PDE1C: variants seen among roughly 807,000 people sequenced by gnomAD.
PDE1C encodes phosphodiesterase 1C, also known as dual specificity calcium/calmodulin-dependent 3',5'-cyclic nucleotide phosphodiesterase 1C.
PDE1C carries 62 observed loss-of-function variants against 93.1 expected under a neutral mutation model. The ratio of observed to expected loss-of-function variants is 0.67; its 90% CI spans 0.54 to 0.82. The LOEUF is 0.82. PDE1C is among the 40% of genes least tolerant of loss of function. The probability of loss-of-function intolerance (pLI) is 0.00; values close to 1 mark genes in which losing one functional copy is unlikely to be tolerated. For synonymous variants in PDE1C, 325 were observed against 310.1 expected, an observed-to-expected ratio of 1.05 and a Z score of -0.50; for missense variants, 742 against 884.6, an observed-to-expected ratio of 0.84 and a Z score of 2.04.
chr7:32,247,956 T>C (rs1809088327), intron 1 of PDE1C, among the ~76,000 whole-genome samples: 2 of 152,094 alleles, frequency 1.3e-5, no homozygotes, highest in African/African-American at 2.4e-5. Flanking sequence ...CAGGGAGGCA[T>C]AGCAATAATG....
chr7:32,074,524 C>T (rs1350380611), upstream of PDE1C, among the ~76,000 whole-genome samples: 1 of 152,172 alleles, frequency 6.6e-6, no homozygotes, highest in Non-Finnish European at 1.5e-5. Flanking sequence ...AGGTTCCAAA[C>T]CCAGACCAAA....
At chr7:31,891,315 G>A (rs1798608820) in intron 2 of PDE1C, among the ~76,000 whole-genome samples, 1 of 152,176 alleles carries the variant, frequency 6.6e-6, no homozygotes, top group African/African-American at 2.4e-5. Flanking sequence ...AAGAGGAAGA[G>A]GTGGTGGTTT....
At chr7:32,101,627 C>T (rs963698317) in intron 3 of PDE1C, among the ~76,000 whole-genome samples, 1 of 152,198 alleles carries the variant, frequency 6.6e-6, no homozygotes, top group African/African-American at 2.4e-5. Context: ...TTGCCTTACA[C>T]AATGATTGGA....
upstream of PDE1C, among the ~76,000 whole-genome samples, chr7:32,299,865 G>A (rs1339195916): frequency 6.6e-6 from 1 of 152,234 alleles, no homozygotes; most frequent in Non-Finnish European, 1.5e-5. Context: ...GACCAGAGCT[G>A]AGTCACACAG....
chr7:31,749,428 T>A (rs958013927), downstream of PDE1C, among the ~76,000 whole-genome samples: 4 of 152,118 alleles, frequency 2.6e-5, no homozygotes, highest in African/African-American at 7.2e-5. Context: ...CTGCTATGGG[T>A]TTTTTGTGCT....
chr7:31,655,961 C>T, the PDE1C span: 3 of 985,296 alleles, frequency 3.0e-6, no homozygotes, highest in Admixed American at 1.8e-4. Flanking sequence ...GATGAATCTC[C>T]AATTCTATTC....
intron 1 of PDE1C, among the ~76,000 whole-genome samples, chr7:32,416,027 G>A (rs1275140230): frequency 1.3e-5 from 2 of 152,138 alleles, no homozygotes; most frequent in African/African-American, 4.8e-5. Context: ...GAGGGGCAAC[G>A]GTGCCCTCCC....
intron 3 of PDE1C, among the ~76,000 whole-genome samples, chr7:32,145,347 T>C (rs1800776800): frequency 6.6e-6 from 1 of 152,176 alleles, no homozygotes. Flanking sequence ...GTAATGATGC[T>C]TCAGGTTTAG....
the PDE1C span, among the ~76,000 whole-genome samples, chr7:31,728,424 C>T: frequency 2.6e-5 from 4 of 152,270 alleles, no homozygotes; most frequent in South Asian, 2.1e-4. Flanking sequence ...GAGTCATTCC[C>T]GGCCAACCAA....
chr7:31,912,823 T>C (rs1010669320), intron 2 of PDE1C, among the ~76,000 whole-genome samples: 20 of 152,258 alleles, frequency 1.3e-4, no homozygotes, highest in African/African-American at 4.8e-4. Flanking sequence ...CTAGAAATTA[T>C]TTGGAAAATA....
intron 1 of PDE1C, among the ~76,000 whole-genome samples, chr7:32,401,794 C>T (rs2128095659): frequency 6.6e-6 from 1 of 152,274 alleles, no homozygotes; most frequent in African/African-American, 2.4e-5. Context: ...TCCTTCCCAC[C>T]TTGAAGGGGG....
the PDE1C span, among the ~76,000 whole-genome samples, chr7:31,726,658 A>G: frequency 6.6e-6 from 1 of 152,208 alleles, no homozygotes; most frequent in South Asian, 2.1e-4. Flanking sequence ...AGTATCCCTC[A>G]TCTTGGCCAA....
chr7:32,252,272 G>A (rs115338929), intron 1 of PDE1C, among the ~76,000 whole-genome samples: 90 of 152,274 alleles, frequency 5.9e-4, no homozygotes, highest in African/African-American at 1.9e-3. Flanking sequence ...GCCCAGCACT[G>A]CACAAGATCC....
At chr7:31,767,472 C>T (rs1051892781) in intron 17 of PDE1C, among the ~76,000 whole-genome samples, 1 of 152,192 alleles carries the variant, frequency 6.6e-6, no homozygotes, top group African/African-American at 2.4e-5. Context: ...TGCTGGCTCC[C>T]CCTTCACCTT....
At chr7:32,203,911 C>T (rs1189911305) in intron 2 of PDE1C, among the ~76,000 whole-genome samples, 1 of 152,144 alleles carries the variant, frequency 6.6e-6, no homozygotes, top group Admixed American at 6.5e-5. Flanking sequence ...ATCTCAGCAA[C>T]CTTGGCATAC....
intron 1 of PDE1C, among the ~76,000 whole-genome samples, chr7:32,386,511 A>G (rs548349709): frequency 1.1e-4 from 10 of 88,564 alleles, no homozygotes; most frequent in Non-Finnish European, 1.6e-4. Context: ...TGATTCCCCT[A>G]TTGTTGGACA....
At chr7:32,235,345 T>C (rs1807999534) in intron 1 of PDE1C, among the ~76,000 whole-genome samples, 1 of 151,608 alleles carries the variant, frequency 6.6e-6, no homozygotes, top group Non-Finnish European at 1.5e-5. Context: ...TCAAGCATAT[T>C]AGAAAGAAAA....
the PDE1C span, among the ~76,000 whole-genome samples, chr7:31,638,664 T>G: frequency 6.6e-6 from 1 of 152,228 alleles, no homozygotes; most frequent in Non-Finnish European, 1.5e-5. Flanking sequence ...CAATGAGAAA[T>G]CTGCCATCCT....
chr7:32,308,346 G>T (rs1813071300), intron 1 of PDE1C, among the ~76,000 whole-genome samples: 1 of 152,256 alleles, frequency 6.6e-6, no homozygotes, highest in Admixed American at 6.5e-5. Context: ...AACCTCTGCA[G>T]ACTTAAATGT....
Sources: allele counts gnomAD v4.1 joint callset (sites outside exome capture counted in the v4.1 genomes callset), GRCh38; gene constraint gnomAD v4.1.1; transcripts MANE v1.5; gene names NCBI Gene and HGNC (gene_info 2026-07-23, HGNC 2026-07-21).